Variants in DENND4C observed in about 807,000 individuals in gnomAD.
DENND4C encodes DENN domain containing 4C.
Under a neutral mutation model 203.0 loss-of-function variants are expected in DENND4C, and 108 were observed. The observed-to-expected ratio is 0.53, with a 90% CI of 0.46 to 0.62. The LOEUF (loss-of-function observed/expected upper bound fraction) is 0.62, where lower values mean the gene tolerates loss of function less well. Ranked by LOEUF, DENND4C falls within the 20% of genes least tolerant of loss-of-function variation. DENND4C has a pLI of 0.00. For missense variants in DENND4C, 2,481 were observed against 2,301.2 expected (o/e 1.08, Z -1.60); for synonymous variants, 871 against 792.4 (o/e 1.10, Z -1.67).
At chr9:19,356,810 A>AGAGAGAGAGAGAGAGAGTGT (rs1447525810) in intron 26 of DENND4C, among the ~76,000 whole-genome samples, 162 bp from the exon 27 acceptor site, 1 of 146,694 alleles carries the variant, frequency 6.8e-6, no homozygotes, top group Non-Finnish European at 1.5e-5. Context: ...AGAGAGAGAG[A>AGAGAGAGAGAGAGAGAGTGT]GAGAGAGTGA....
chr9:19,272,558 G>C (rs1831944849), intron 1 of DENND4C, among the ~76,000 whole-genome samples: 1 of 151,856 alleles, frequency 6.6e-6, no homozygotes, highest in South Asian at 2.1e-4. Flanking sequence ...TGCCTGGCCA[G>C]AATAGTTTTT....
In DENND4C at chr9:19,276,322, A is replaced by G; in HGVS notation, c.148A>G (p.Ile50Val). 3 of 1,232,120 alleles carry G rather than the reference A, an allele frequency of 2.4e-6. No individual in the cohort carries two copies. The highest frequency in any genetic ancestry group is 3.0e-6 in the Non-Finnish European group (3 of 987,948). 76.3% of individuals were successfully genotyped at this position (1,232,120 alleles called of 1,614,324 possible). Residue 50 changes from isoleucine (I) to valine (V), a missense_variant, in exon 2 of 33, where the codon ATC (isoleucine) becomes GTC (valine). By Grantham distance (29) the Ile-to-Val change is conservative (BLOSUM62 3). Around this residue, in one of 3 missense-constraint regions of DENND4C, gnomAD observed 187 missense variants for 167.4 expected, o/e 1.12. Coordinates refer to ENST00000434457, the MANE Select transcript of DENND4C (RefSeq NM_001330640.2). The part of the protein sequence containing the change: ...KAPITDIAII[I>V]KSAGETVPEG... The stretch of plus-strand genomic sequence containing the variant: ...TCCAATTACAGACATTGCCATTATT[A>G]TCAAATCAGCTGGAGAAACAGTACC...
rs2073091629 is a variant in DENND4C, at chr9:19,332,172, T to A, written c.2448T>A (p.Asp816Glu). ...TTAAGATGAGGAAAACAGATGTGGATCCCTTAGATGAGGCAAGTATAACAA... is the reference window on the plus strand; with the variant it reads ...TTAAGATGAGGAAAACAGATGTGGAACCCTTAGATGAGGCAAGTATAACAA... ...VLIKMRKTDV[D>E]PLDEVCYRVV... Residue 816 changes from aspartate (D) to glutamate (E), a missense_variant, in exon 17 of 33, where the codon GAT (aspartate) becomes GAA (glutamate). Asp to Glu is a conservative substitution (Grantham distance 45). Around this residue, in one of 3 missense-constraint regions of DENND4C, gnomAD observed 2,289 missense variants for 2,113.3 expected, o/e 1.08. Transcript: ENST00000434457. The A allele has an allele frequency of 6.2e-7, 1 of 1,613,586 alleles. No individual in the cohort carries two copies. The highest frequency in any genetic ancestry group is 1.3e-5 in the African/African-American group (1 of 74,878).
At chr9:19,270,615 T>G (rs560833415) in intron 1 of DENND4C, among the ~76,000 whole-genome samples, 3 of 152,358 alleles carry the variant, frequency 2.0e-5, no homozygotes, top group African/African-American at 7.2e-5. Flanking sequence ...TTACTTGGGT[T>G]GTTTTCACCT....
At chr9:19,234,398 A>C (rs1293540224) in intron 1 of DENND4C, among the ~76,000 whole-genome samples, 1 of 151,310 alleles carries the variant, frequency 6.6e-6, no homozygotes, top group Non-Finnish European at 1.5e-5. Context: ...GCCTGGCTAA[A>C]TTTTTTTATT....
intron 16 of DENND4C, among the ~76,000 whole-genome samples, chr9:19,328,646 T>G (rs1256518994): frequency 7.7e-6 from 1 of 129,886 alleles, no homozygotes; most frequent in Non-Finnish European, 1.6e-5. Context: ...TGTCTGTCTG[T>G]CTGTCTGTCT....
At chr9:19,264,529 A>C (rs1830087267) in intron 1 of DENND4C, among the ~76,000 whole-genome samples, 1 of 150,126 alleles carries the variant, frequency 6.7e-6, no homozygotes, top group African/African-American at 2.5e-5. Flanking sequence ...CTGGTCTTGA[A>C]CTCCTCACCT....
intron 18 of DENND4C, 99 bp from the exon 19 acceptor site, chr9:19,336,171 G>GTGTATA: frequency 3.3e-6 from 3 of 912,596 alleles, no homozygotes. Context: ...TTATATTTGT[G>GTGTATA]TATATATATA....
intron 1 of DENND4C, among the ~76,000 whole-genome samples, chr9:19,250,734 T>G (rs1337604635): frequency 1.3e-5 from 2 of 152,210 alleles, no homozygotes; most frequent in Non-Finnish European, 2.9e-5. Context: ...ACAGGCCCCA[T>G]GCAAGTCTGA....
At chr9:19,338,166 A>G (rs1429477640) in intron 20 of DENND4C, among the ~76,000 whole-genome samples, 1 of 152,224 alleles carries the variant, frequency 6.6e-6, no homozygotes. Flanking sequence ...ATTAACAAAT[A>G]AGAATTTTTA....
chr9:19,250,256 A>T (rs1187026603), intron 1 of DENND4C, among the ~76,000 whole-genome samples: 1 of 152,148 alleles, frequency 6.6e-6, no homozygotes, highest in Non-Finnish European at 1.5e-5. Flanking sequence ...CAGCCTGACC[A>T]ATATGGTGAA....
rs930200093 is a variant in DENND4C, at chr9:19,366,560, C to T, written c.5525-3277C>T. Among the ~76,000 whole-genome samples, 10 of 152,142 alleles carry T rather than the reference C, an allele frequency of 6.6e-5. No homozygotes were observed. The South Asian group carries it at 8.3e-4, about 13-fold the overall frequency. ...CGGAGCTTGCAGTGAGCCAAGATTG[C>T]GCCACTGCACTCCAGCCTGGGCAAC... On this transcript the variant is annotated intron_variant, in intron 30 of 32. Transcript: ENST00000434457.
At position 19,314,969 on chromosome 9, in the gene DENND4C, C is replaced by T. The variant is rs1841501539; in HGVS notation, c.1488-1448C>T. Among the ~76,000 whole-genome samples the T allele has an allele frequency of 1.3e-5, 2 of 151,866 alleles. 1 individual carries two copies. Among genetic ancestry groups the T allele is most frequent in the South Asian group, 4.2e-4 (2 of 4,818 alleles). On this transcript the variant is annotated intron_variant, in intron 10 of 32. Coordinates refer to ENST00000434457, the MANE Select transcript of DENND4C (RefSeq NM_001330640.2). ...ATGAGGTCAGGAGTTTGAGACCAGCCTGGACAACATGATGAAACCCTGTCT... is the reference window on the plus strand; with the variant it reads ...ATGAGGTCAGGAGTTTGAGACCAGCTTGGACAACATGATGAAACCCTGTCT...
At chr9:19,242,729 C>T (rs1353278375) in intron 1 of DENND4C, among the ~76,000 whole-genome samples, 1 of 151,868 alleles carries the variant, frequency 6.6e-6, no homozygotes, top group East Asian at 1.9e-4. Flanking sequence ...GATCTCGGCT[C>T]ACTGCAACCT....
At position 19,251,268 on chromosome 9, in the gene DENND4C, G is replaced by T. The variant is rs572815741; in HGVS notation, c.-18+20435G>T. ...TGGGGCTTGCACCCTCTGAAACCAT[G>T]GCCTGAGCTGTACCTTGGCTCATTT... is the stretch of plus-strand genomic sequence containing the variant. On this transcript the variant is annotated intron_variant, in intron 1 of 32. Coordinates refer to ENST00000434457, the MANE Select transcript of DENND4C (RefSeq NM_001330640.2). Among the ~76,000 whole-genome samples the T allele has an allele frequency of 1.4e-4, 21 of 152,356 alleles. No individual in the cohort carries two copies. In the South Asian group the frequency reaches 4.3e-3, roughly 32 times the overall value.
At position 19,358,836 on chromosome 9, in the gene DENND4C, T is replaced by C. The variant is rs1201660124; in HGVS notation, c.5160+676T>C. Among the ~76,000 whole-genome samples, 2 of 151,810 alleles carry C rather than the reference T, an allele frequency of 1.3e-5. No homozygotes were observed. Among genetic ancestry groups the C allele is most frequent in the Non-Finnish European group, 2.9e-5 (2 of 68,034 alleles). ...AAGTTGGAATTTGTGTCCGGAACCT[T>C]GATCAGATTTGGGGTTTTTGTGTTA... On this transcript the variant is annotated intron_variant, in intron 28 of 32. Transcript: ENST00000434457. The surrounding 1 kb of genome is among the most constrained non-coding windows in gnomAD (Gnocchi z 4.8).
intron 12 of DENND4C, among the ~76,000 whole-genome samples, chr9:19,320,489 G>A (rs1425073164): frequency 6.6e-6 from 1 of 152,226 alleles, no homozygotes; most frequent in East Asian, 1.9e-4. Flanking sequence ...GTGAGCCACT[G>A]CGCTCGGCCC....
intron 1 of DENND4C, among the ~76,000 whole-genome samples, chr9:19,243,358 T>A (rs1338705702): frequency 5.3e-5 from 8 of 152,208 alleles, no homozygotes; most frequent in Admixed American, 5.2e-4. Context: ...CTGACAAAAT[T>A]AACATAACAT....
intron 4 of DENND4C, among the ~76,000 whole-genome samples, chr9:19,290,045 C>G (rs1835970646): frequency 6.6e-6 from 1 of 152,094 alleles, no homozygotes; most frequent in African/African-American, 2.4e-5. Flanking sequence ...CAAAATTCTA[C>G]TACTGATTTT....
Sources: gnomAD v4.1 joint callset for allele counts (sites outside exome capture counted in the v4.1 genomes callset) on GRCh38, gnomAD v4.1.1 for gene constraint, gnomAD v4.1.1 regional missense constraint, Gnocchi (gnomAD v3.1) non-coding constraint, MANE v1.5 for transcripts, NCBI Gene and HGNC (gene_info 2026-07-23, HGNC 2026-07-21) for gene names.